SDK1: variants seen among roughly 807,000 people sequenced by gnomAD.
SDK1 encodes the protein protein sidekick-1.
A neutral mutation model predicts 245.5 loss-of-function variants in SDK1; 157 were observed. The ratio of observed to expected loss-of-function variants is 0.64; its 90% CI spans 0.56 to 0.73. The LOEUF is 0.73. Among genes scored for constraint, SDK1 ranks in the 30% least tolerant of loss-of-function variants. The probability of loss-of-function intolerance (pLI) is 0.00; values close to 1 mark genes in which losing one functional copy is unlikely to be tolerated. For synonymous variants in SDK1, 1,647 were observed against 1,278.5 expected (o/e 1.29, Z -6.15); for missense variants, 3,583 against 3,002.3 (o/e 1.19, Z -4.52).
chr7:3,998,980 A>G (rs1001609501), intron 14 of SDK1, among the ~76,000 whole-genome samples: 3 of 152,128 alleles, frequency 2.0e-5, no homozygotes, highest in African/African-American at 4.8e-5. Context: ...TGCTTAGAAC[A>G]TCTCCATCTC....
intron 1 of SDK1, among the ~76,000 whole-genome samples, chr7:3,526,985 T>TTA (rs1481247562): frequency 5.9e-5 from 9 of 152,176 alleles, no homozygotes; most frequent in Admixed American, 3.3e-4. Context: ...AAATCTACCT[T>TTA]CAGCTTCAGT....
At chr7:3,400,661 G>A (rs935609479) in intron 1 of SDK1, among the ~76,000 whole-genome samples, 5 of 152,150 alleles carry the variant, frequency 3.3e-5, no homozygotes, top group African/African-American at 1.2e-4. Context: ...GGATGGGAGT[G>A]GGGGTTACCT....
chr7:3,918,261 C>G (rs12701283), intron 5 of SDK1, among the ~76,000 whole-genome samples: 40,179 of 152,110 alleles, frequency 0.26, 5,724 homozygotes, highest in Middle Eastern at 0.39. Context: ...CTATTAGGAA[C>G]CAGGCTGCAC....
At chr7:3,762,324 T>C (rs574763157) in intron 4 of SDK1, among the ~76,000 whole-genome samples, 3 of 152,322 alleles carry the variant, frequency 2.0e-5, no homozygotes, top group South Asian at 4.1e-4. Context: ...GAAAACAGAC[T>C]GCACCTGCTG....
chr7:3,421,272 A>T (rs1231366940), intron 1 of SDK1, among the ~76,000 whole-genome samples: 4 of 151,978 alleles, frequency 2.6e-5, no homozygotes, highest in Admixed American at 6.6e-5. Context: ...GGGTTTCACC[A>T]TGTTGGCCAA....
chr7:3,316,020 C>G (rs1414127818), intron 1 of SDK1, among the ~76,000 whole-genome samples: 1 of 152,096 alleles, frequency 6.6e-6, no homozygotes, highest in African/African-American at 2.4e-5. Context: ...CTTTATGATT[C>G]TAGTGTCAAA....
chr7:3,313,772 C>G (rs536766477), intron 1 of SDK1, among the ~76,000 whole-genome samples: 4 of 152,236 alleles, frequency 2.6e-5, no homozygotes, highest in Admixed American at 6.5e-5. Flanking sequence ...TTAATGATAA[C>G]TTGTTTTATT....
intron 5 of SDK1, among the ~76,000 whole-genome samples, chr7:3,850,981 A>T (rs1562489842): frequency 1.3e-5 from 2 of 152,190 alleles, no homozygotes; most frequent in Admixed American, 1.3e-4. Context: ...ACGTTGTGCA[A>T]GTGTACCCTA....
chr7:4,230,718 A>T (rs1006794493), intron 40 of SDK1, among the ~76,000 whole-genome samples: 3 of 152,122 alleles, frequency 2.0e-5, no homozygotes, highest in Non-Finnish European at 4.4e-5. Context: ...GGATGGGTGG[A>T]TGGATGATGC....
intron 18 of SDK1, among the ~76,000 whole-genome samples, chr7:4,050,449 C>G (rs1789365214): frequency 6.6e-6 from 1 of 152,218 alleles, no homozygotes; most frequent in Non-Finnish European, 1.5e-5. Context: ...GTTGGCAAGG[C>G]TGCAGTGTTC....
At chr7:3,578,580 C>T (rs139996879) in intron 1 of SDK1, among the ~76,000 whole-genome samples, 6,406 of 151,890 alleles carry the variant, frequency 0.042, 293 homozygotes, top group Non-Finnish European at 0.053. Context: ...TTATCTCAAC[C>T]GCATAAGACA....
At chr7:4,062,272 G>A (rs1583987081) in intron 19 of SDK1, among the ~76,000 whole-genome samples, 1 of 152,162 alleles carries the variant, frequency 6.6e-6, no homozygotes, top group Non-Finnish European at 1.5e-5. Context: ...AAATGCAAAA[G>A]GAGACATTAT....
rs1245980962 is a variant in SDK1, at chr7:4,051,817, G to C, written c.2898G>C (p.Trp966Cys). 7 of 1,610,050 alleles carry C rather than the reference G, an allele frequency of 4.3e-6. No homozygotes were observed. Among genetic ancestry groups the C allele is most frequent in the East Asian group, 2.2e-5 (1 of 44,746 alleles). The change falls in exon 19 of 45, where the codon TGG (tryptophan) becomes TGC (cysteine). Residue 966 changes from tryptophan to cysteine, a missense_variant. Transcript: ENST00000404826. ...DGPPSTPQLV[W>C]TQEDKPGAVG... Reference sequence around the variant, plus strand: ...CTCCCAGCACACCTCAGCTGGTCTGGACTCAGGAAGACAGTGAGTATTCCT... The same window carrying C: ...CTCCCAGCACACCTCAGCTGGTCTGCACTCAGGAAGACAGTGAGTATTCCT...
intron 1 of SDK1, among the ~76,000 whole-genome samples, chr7:3,472,681 A>G (rs1283972767): frequency 6.6e-6 from 1 of 152,222 alleles, no homozygotes; most frequent in East Asian, 1.9e-4. Flanking sequence ...TTTATGGAAC[A>G]CCATGAAACT....
chr7:3,923,681 G>T (rs1779670080), intron 5 of SDK1, among the ~76,000 whole-genome samples: 1 of 152,238 alleles, frequency 6.6e-6, no homozygotes, highest in Admixed American at 6.5e-5. Flanking sequence ...TGGGCTTCCA[G>T]CCACAGCAAG....
intron 4 of SDK1, among the ~76,000 whole-genome samples, chr7:3,771,795 A>G (rs1016937715): frequency 2.6e-5 from 4 of 152,186 alleles, no homozygotes; most frequent in Non-Finnish European, 4.4e-5. Context: ...ATTTGAATGT[A>G]TACTTCACTG....
intron 35 of SDK1, among the ~76,000 whole-genome samples, chr7:4,183,440 C>T (rs946763649): frequency 2.0e-5 from 3 of 151,876 alleles, no homozygotes; most frequent in African/African-American, 7.3e-5. Flanking sequence ...TCAAGACCAG[C>T]CTGGCCAACA....
intron 4 of SDK1, among the ~76,000 whole-genome samples, chr7:3,707,949 A>C (rs189633793): frequency 6.6e-6 from 1 of 152,230 alleles, no homozygotes; most frequent in East Asian, 1.9e-4. Flanking sequence ...ATGAATCCTC[A>C]TGTATTAGTC....
intron 1 of SDK1, among the ~76,000 whole-genome samples, chr7:3,552,735 G>A (rs1486554164): frequency 6.6e-6 from 1 of 152,112 alleles, no homozygotes; most frequent in Non-Finnish European, 1.5e-5. Context: ...TCATTCTAGG[G>A]GTTGAGGGAA....
Sources: gnomAD v4.1 joint callset for allele counts (sites outside exome capture counted in the v4.1 genomes callset) on GRCh38, gnomAD v4.1.1 for gene constraint, MANE v1.5 for transcripts, NCBI Gene and HGNC (gene_info 2026-07-23, HGNC 2026-07-21) for gene names.